ATP11A: variants seen among roughly 807,000 people sequenced by gnomAD.
ATP11A encodes phospholipid-transporting ATPase IH.
ATP11A carries 81 observed loss-of-function variants against 154.4 expected under a neutral mutation model. The ratio of observed to expected loss-of-function variants is 0.52; its 90% confidence interval spans 0.44 to 0.63. The LOEUF is 0.63. ATP11A is among the 30% of genes least tolerant of loss of function. The pLI is 0.00. For synonymous variants in ATP11A, 623 were observed against 585.9 expected, an observed-to-expected ratio of 1.06 and a Z score of -0.91; for missense variants, 1,316 against 1,474.3, an observed-to-expected ratio of 0.89 and a Z score of 1.76.
At chr13:112,708,211 A>C (rs771011599) in intron 1 of ATP11A, among the ~76,000 whole-genome samples, 1 of 152,220 alleles carries the variant, frequency 6.6e-6, no homozygotes, top group Non-Finnish European at 1.5e-5. Flanking sequence ...GCTTTCCAAG[A>C]GTTTGTCGAA....
At chr13:112,796,066 G>A (rs552714130) in intron 2 of ATP11A, among the ~76,000 whole-genome samples, 1 of 152,342 alleles carries the variant, frequency 6.6e-6, no homozygotes, top group Middle Eastern at 3.4e-3. Context: ...TTTTTGTAAA[G>A]GAAGAAAGTG....
rs1034440701 is a variant in ATP11A at position 112,885,550 on chromosome 13, C to G, written c.*3684C>G. Reference sequence around the variant, plus strand: ...TACACACATGCACACACGTGTACACCACAAACGAGCTCCCAGACATGTAAA... The same window carrying G: ...TACACACATGCACACACGTGTACACGACAAACGAGCTCCCAGACATGTAAA... On this transcript the variant is annotated 3_prime_UTR_variant, in exon 30 of 30. Coordinates refer to ENST00000375645, the MANE Select transcript of ATP11A (RefSeq NM_015205.3). 4 of 152,108 alleles carry G rather than the reference C, an allele frequency of 2.6e-5. No homozygotes were observed. Among genetic ancestry groups the G allele is most frequent in the Non-Finnish European group, 5.9e-5 (4 of 68,034 alleles). 9.4% of individuals were successfully genotyped at this position (152,108 alleles called of 1,614,324 possible). A position where few individuals can be genotyped will look rare whatever the true frequency, so the allele number is the denominator to read the frequency against.
intron 1 of ATP11A, among the ~76,000 whole-genome samples, chr13:112,780,424 T>G (rs963969427): frequency 6.6e-6 from 1 of 152,218 alleles, no homozygotes; most frequent in African/African-American, 2.4e-5. Flanking sequence ...TTCCTCAGAA[T>G]GGACTCACAA....
intron 1 of ATP11A, among the ~76,000 whole-genome samples, chr13:112,702,527 A>G (rs1194828109): frequency 6.6e-6 from 1 of 152,098 alleles, no homozygotes; most frequent in Non-Finnish European, 1.5e-5. Flanking sequence ...CCGATGTGCC[A>G]GGGTGGGTTC....
At chr13:112,764,939 T>C (rs113432256) in intron 1 of ATP11A, among the ~76,000 whole-genome samples, 11,469 of 152,208 alleles carry the variant, frequency 0.075, 1,410 homozygotes, top group African/African-American at 0.25. Context: ...GCCCCGACAC[T>C]TGCCTCACTC....
At position 112,753,386 on chromosome 13, in the gene ATP11A, A is replaced by T. The variant is rs1380550095; in HGVS notation, c.40-31749A>T. Among the ~76,000 whole-genome samples the T allele has an allele frequency of 6.6e-6, 1 of 152,174 alleles. No individual in the cohort carries two copies. ...AAGGGAGATTTCTGAGAAGGGGGGT[A>T]CGTTTGCGGTTTGCTCTGTCAGTGC... On this transcript the variant is annotated intron_variant, in intron 1 of 29. Coordinates refer to ENST00000375645, the MANE Select transcript of ATP11A (RefSeq NM_015205.3). The surrounding 1 kb of genome is among the most constrained non-coding windows in gnomAD (Gnocchi z 4.1).
intron 6 of ATP11A, 76 bp from the exon 7 acceptor site, chr13:112,819,228 C>G: frequency 8.1e-7 from 1 of 1,233,960 alleles, no homozygotes; most frequent in Admixed American, 1.8e-5. Context: ...TTTGTAATCA[C>G]TTGGTTGGAG....
chr13:112,842,155 C>A (rs2079440113), intron 16 of ATP11A, 121 bp from the exon 17 acceptor site: 2 of 759,608 alleles, frequency 2.6e-6, no homozygotes, highest in Admixed American at 4.9e-5. Flanking sequence ...CCATTAAAAT[C>A]TTTAAAAAGC....
intron 18 of ATP11A, among the ~76,000 whole-genome samples, chr13:112,852,782 T>TGGG (rs147822357): frequency 2.9e-4 from 36 of 126,252 alleles, no homozygotes; most frequent in South Asian, 4.9e-4. Flanking sequence ...AATGCCTGGT[T>TGGG]GGCGGGGGGG....
At chr13:112,828,158 C>G (rs570598038) in intron 12 of ATP11A, among the ~76,000 whole-genome samples, 75 of 93,074 alleles carry the variant, frequency 8.1e-4, no homozygotes, top group African/African-American at 2.8e-3. Flanking sequence ...AAGCGCCCAG[C>G]AGCGTTGAGT....
chr13:112,719,539 C>G (rs193069360), intron 1 of ATP11A, among the ~76,000 whole-genome samples: 2 of 152,258 alleles, frequency 1.3e-5, no homozygotes, highest in African/African-American at 4.8e-5. Context: ...AATTCCTTAA[C>G]GGGGCAGCGT....
intron 1 of ATP11A, chr13:112,717,518 G>A (rs573152755): frequency 6.6e-6 from 1 of 152,348 alleles, no homozygotes; most frequent in African/African-American, 2.4e-5. Flanking sequence ...TGTGGTACAT[G>A]TTTATGATTT....
chr13:112,708,743 G>A (rs1449796225), intron 1 of ATP11A, among the ~76,000 whole-genome samples: 4 of 152,152 alleles, frequency 2.6e-5, no homozygotes, highest in Non-Finnish European at 5.9e-5. Flanking sequence ...GCTGCGTGTG[G>A]CCCTGTGAGT....
chr13:112,820,662 T>G (rs2078774935), intron 8 of ATP11A, among the ~76,000 whole-genome samples: 1 of 152,254 alleles, frequency 6.6e-6, no homozygotes, highest in Admixed American at 6.5e-5. Flanking sequence ...CTGACATTAT[T>G]TCAAGATCTA....
At chr13:112,789,773 G>T (rs1214477357) in intron 2 of ATP11A, among the ~76,000 whole-genome samples, 4 of 146,798 alleles carry the variant, frequency 2.7e-5, no homozygotes, top group Non-Finnish European at 4.5e-5. Flanking sequence ...ATTCACACCG[G>T]GTGTCCTGAT....
In ATP11A at chr13:112,718,464, A is replaced by G. The variant is rs1276984018; in HGVS notation, c.39+28009A>G. On this transcript the variant is annotated intron_variant, in intron 1 of 29. Coordinates refer to ENST00000375645, the MANE Select transcript of ATP11A (RefSeq NM_015205.3). ...GAAGACAACTGTGCCGCCTGCCGCA[A>G]GTTTCATGTGAAATACCCCCAGAGG... 2.0e-5 allele frequency among the ~76,000 whole-genome samples: 3 copies of G among 152,276 alleles called. No homozygotes were observed. The South Asian group carries it at 6.2e-4, about 32-fold the overall frequency.
chr13:112,791,321 T>C (rs1039219141), intron 2 of ATP11A, among the ~76,000 whole-genome samples: 1 of 152,198 alleles, frequency 6.6e-6, no homozygotes, highest in Admixed American at 6.5e-5. Flanking sequence ...TTGAGCCGGA[T>C]GGGGGCCGTG....
intron 1 of ATP11A, among the ~76,000 whole-genome samples, chr13:112,708,199 A>G (rs1887370192): frequency 6.6e-6 from 1 of 152,212 alleles, no homozygotes; most frequent in Non-Finnish European, 1.5e-5. Context: ...GATGCAGAAA[A>G]TGCTTTCCAA....
chr13:112,744,165 C>T (rs958489120), intron 1 of ATP11A, among the ~76,000 whole-genome samples: 11 of 152,316 alleles, frequency 7.2e-5, no homozygotes, highest in Middle Eastern at 3.4e-3. Flanking sequence ...AGGAGAATGT[C>T]GCTGTCCTCC....
Sources: allele counts gnomAD v4.1 joint callset (sites outside exome capture counted in the v4.1 genomes callset), GRCh38; gene constraint gnomAD v4.1.1; non-coding constraint Gnocchi (gnomAD v3.1); transcripts MANE v1.5; gene names NCBI Gene and HGNC (gene_info 2026-07-23, HGNC 2026-07-21).